EML1: variants seen among roughly 807,000 people sequenced by gnomAD.
EML1 encodes the protein echinoderm microtubule-associated protein-like 1.
In EML1, 27 loss-of-function variants were observed where a neutral mutation model predicts 110.4. The observed-to-expected ratio is 0.24, with a 90% CI of 0.18 to 0.34. EML1 has a LOEUF of 0.34. EML1 is among the 10% of genes least tolerant of loss of function. The pLI is 1.00. For missense variants in EML1, 741 were observed against 1,030.9 expected, an observed-to-expected ratio of 0.72 and a Z score of 3.85; for synonymous variants, 344 against 385.8, an observed-to-expected ratio of 0.89 and a Z score of 1.27.
intron 1 of EML1, among the ~76,000 whole-genome samples, chr14:99,810,601 A>G (rs753541923): frequency 2.0e-5 from 3 of 152,060 alleles, no homozygotes; most frequent in Non-Finnish European, 2.9e-5. Flanking sequence ...GCTATTTTCT[A>G]ACCCCAACCC....
intron 1 of EML1, chr14:99,809,795 A>G (rs1251155945): frequency 2.2e-5 from 10 of 451,482 alleles, no homozygotes; most frequent in Non-Finnish European, 4.5e-5. Flanking sequence ...CATTTCTTTT[A>G]GTGTGAAAGT....
chr14:99,766,715 A>C (rs2057372514), intron 1 of EML1, among the ~76,000 whole-genome samples: 1 of 152,232 alleles, frequency 6.6e-6, no homozygotes, highest in South Asian at 2.1e-4. Context: ...CGCCCAAATC[A>C]ACATCAATAA....
intron 9 of EML1, among the ~76,000 whole-genome samples, chr14:99,901,401 A>G (rs1319277765): frequency 1.3e-5 from 2 of 152,164 alleles, no homozygotes; most frequent in Non-Finnish European, 2.9e-5. Context: ...GCTACTGGAA[A>G]GGGGTCCCGA....
In EML1 at chr14:99,782,560, T is replaced by C. The variant is rs372034896; in HGVS notation, c.-27+8547T>C. Among the ~76,000 whole-genome samples the C allele has an allele frequency of 4.8e-4, 73 of 152,220 alleles. No individual in the cohort carries two copies. In the South Asian group the frequency reaches 8.1e-3, roughly 17 times the overall value. On this transcript the variant is annotated intron_variant, in intron 1 of 22. Coordinates refer to the EML1 transcript ENST00000327921. ...TGAGCCCAGGGTCAGTTCTCAGCAA[T>C]TGTCTGTGATGAAGAACCGGTGACC...
chr14:99,800,281 C>T (rs1260881426), intron 1 of EML1, among the ~76,000 whole-genome samples: 1 of 151,970 alleles, frequency 6.6e-6, no homozygotes, highest in African/African-American at 2.4e-5. Context: ...TGCATACTCT[C>T]TTTGGTTTAC....
chr14:99,778,336 G>T (rs1395279095), intron 1 of EML1, among the ~76,000 whole-genome samples: 2 of 151,970 alleles, frequency 1.3e-5, no homozygotes, highest in Non-Finnish European at 2.9e-5. Context: ...ACAATTTTTT[G>T]TTTTTCCTGT....
chr14:99,869,906 C>T (rs917736721), intron 3 of EML1, among the ~76,000 whole-genome samples: 1 of 152,178 alleles, frequency 6.6e-6, no homozygotes, highest in Non-Finnish European at 1.5e-5. Context: ...TCCCTGAGGC[C>T]GCACCAGAAG....
chr14:99,835,089 T>C (rs1238220375), intron 1 of EML1, among the ~76,000 whole-genome samples: 1 of 152,226 alleles, frequency 6.6e-6, no homozygotes, highest in African/African-American at 2.4e-5. Flanking sequence ...CCCAAAGTGC[T>C]GGGATTACAG....
At chr14:99,854,160 G>A (rs2058861088) in intron 2 of EML1, among the ~76,000 whole-genome samples, 1 of 152,144 alleles carries the variant, frequency 6.6e-6, no homozygotes, top group African/African-American at 2.4e-5. Context: ...TGCGGGAAGA[G>A]CGCGTGTCTT....
chr14:99,825,585 C>A (rs554246970), intron 1 of EML1, among the ~76,000 whole-genome samples: 1 of 152,326 alleles, frequency 6.6e-6, no homozygotes, highest in South Asian at 2.1e-4. Context: ...GTTCACCTCT[C>A]TTCAACCTCA....
intron 1 of EML1, among the ~76,000 whole-genome samples, chr14:99,824,614 C>A (rs538630750): frequency 6.6e-6 from 1 of 151,698 alleles, no homozygotes; most frequent in Non-Finnish European, 1.5e-5. Flanking sequence ...TTGTAAAAAT[C>A]GCTTTAGGGG....
At position 99,939,430 on chromosome 14, in the gene EML1, C is replaced by T; in HGVS notation, c.2322+103C>T. 6.5e-7 allele frequency: 1 copy of T among 1,530,934 alleles called. No individual in the cohort carries two copies. Among genetic ancestry groups the T allele is most frequent in the South Asian group, 1.3e-5 (1 of 79,792 alleles). The allele number at this position is 1,530,934 out of a possible 1,614,324, so 94.8% of individuals were successfully genotyped here. A position where few individuals can be genotyped will look rare whatever the true frequency, so the allele number is the denominator to read the frequency against. On this transcript the variant is annotated intron_variant, in intron 21 of 21. Coordinates refer to ENST00000262233, the MANE Select transcript of EML1 (RefSeq NM_004434.3). This position sits in a 1 kb window ranked among gnomAD's most constrained non-coding sequence, Gnocchi z 4.2. ...GAAATGGGCTGTGAGCGACTGCTGC[C>T]AGCCACAAAGGCAGATGTGACTCTG...
intron 1 of EML1, among the ~76,000 whole-genome samples, chr14:99,752,052 A>G (rs1021075276): frequency 7.2e-5 from 11 of 152,162 alleles, no homozygotes; most frequent in African/African-American, 2.7e-4. Flanking sequence ...GGAGGCATCC[A>G]TCACAGCGCC....
intron 16 of EML1, among the ~76,000 whole-genome samples, chr14:99,919,421 CACAG>C (rs1343534079): frequency 1.2e-3 from 91 of 77,778 alleles, no homozygotes; most frequent in African/African-American, 4.3e-3. Context: ...TACGCATGCA[CACAG>C]ACACACACAC....
chr14:99,744,782 G>A (rs947999602), intron 1 of EML1, among the ~76,000 whole-genome samples: 4 of 152,182 alleles, frequency 2.6e-5, no homozygotes, highest in African/African-American at 9.7e-5. Flanking sequence ...GCGAGGAAAA[G>A]CATAACCAAG....
intron 2 of EML1, among the ~76,000 whole-genome samples, chr14:99,863,058 A>G (rs1243167150): frequency 6.6e-6 from 1 of 152,072 alleles, no homozygotes; most frequent in Non-Finnish European, 1.5e-5. Flanking sequence ...GCCCTTGCTT[A>G]TCCATCACCT....
chr14:99,903,785 A>ATT lies in EML1; in HGVS notation c.1008+2761_1008+2762dup, dbSNP rs1211025934. Among the ~76,000 whole-genome samples the ATT allele has an allele frequency of 7.8e-4, 81 of 103,280 alleles. 2 individuals are homozygous for ATT. The highest frequency in any genetic ancestry group is 5.1e-3 in the Middle Eastern group (1 of 198). 67.8% of individuals were successfully genotyped at this position (103,280 alleles called of 152,430 possible). A position where few individuals can be genotyped will look rare whatever the true frequency, so the allele number is the denominator to read the frequency against. On this transcript the variant is annotated intron_variant, in intron 9 of 21. Coordinates refer to ENST00000262233, the MANE Select transcript of EML1 (RefSeq NM_004434.3). Reference sequence around the variant, plus strand: ...CAAAATCTCATAGATAAATCTATTCATTTTTTTTTTTTTTTTGAGACAGAG... The same window carrying ATT: ...CAAAATCTCATAGATAAATCTATTCATTTTTTTTTTTTTTTTTTGAGACAGAG...
At chr14:99,747,944 TAA>T (rs1169521167) in intron 1 of EML1, among the ~76,000 whole-genome samples, 2 of 152,082 alleles carry the variant, frequency 1.3e-5, no homozygotes. Context: ...TGAGAGAGGG[TAA>T]AGACTTGGCA....
intron 1 of EML1, among the ~76,000 whole-genome samples, chr14:99,746,375 G>T (rs1011070727): frequency 1.3e-5 from 2 of 152,306 alleles, no homozygotes; most frequent in Middle Eastern, 3.4e-3. Context: ...CTTTTCGGGA[G>T]GAGGGAGAGG....
Sources: gnomAD v4.1 joint callset for allele counts (sites outside exome capture counted in the v4.1 genomes callset) on GRCh38, gnomAD v4.1.1 for gene constraint, Gnocchi (gnomAD v3.1) non-coding constraint, MANE v1.5 for transcripts, NCBI Gene and HGNC (gene_info 2026-07-23, HGNC 2026-07-21) for gene names.